Variants in LRMDA observed in about 807,000 individuals in gnomAD.
LRMDA encodes the protein leucine-rich melanocyte differentiation-associated protein.
A neutral mutation model predicts 29.8 loss-of-function variants in LRMDA; 18 were observed. That is an observed-to-expected ratio of 0.60 (90% CI 0.42 to 0.90). The LOEUF is 0.90. Ranked by LOEUF, LRMDA falls within the 40% of genes least tolerant of loss-of-function variation. The pLI, the probability that LRMDA is intolerant of heterozygous loss-of-function variation, is 0.00. For missense variants in LRMDA, 273 were observed against 273.9 expected (o/e 1.00, Z 0.02); for synonymous variants, 125 against 109.4 (o/e 1.14, Z -0.89).
At position 75,971,957 on chromosome 10, in the gene LRMDA, A is replaced by G. The variant is rs555812207; in HGVS notation, c.132-64051A>G. Reference sequence around the variant, plus strand: ...CTGGAGAGTGGTTTGTTTTTAAGAAAACCCTCCAAATGATCAGTCTTTCAT... The same window carrying G: ...CTGGAGAGTGGTTTGTTTTTAAGAAGACCCTCCAAATGATCAGTCTTTCAT... On this transcript the variant is annotated intron_variant, in intron 2 of 6. Coordinates refer to ENST00000611255, the MANE Select transcript of LRMDA (RefSeq NM_001305581.2). Among the ~76,000 whole-genome samples, 9 of 152,344 alleles carry G rather than the reference A, an allele frequency of 5.9e-5. No homozygotes were observed. The East Asian group carries it at 1.5e-3, about 26-fold the overall frequency.
intron 5 of LRMDA, among the ~76,000 whole-genome samples, chr10:76,318,180 A>G (rs920353504): frequency 3.9e-5 from 6 of 152,232 alleles, no homozygotes; most frequent in African/African-American, 7.2e-5. Flanking sequence ...CAACTCTTAC[A>G]TTCTGTGATT....
intron 2 of LRMDA, among the ~76,000 whole-genome samples, chr10:76,025,863 T>C (rs917074906): frequency 5.9e-5 from 9 of 152,192 alleles, no homozygotes; most frequent in African/African-American, 1.9e-4. Context: ...TGGTAACTGC[T>C]TCCCTGTCTA....
rs762136377 is a variant in LRMDA at position 76,236,700 on chromosome 10, G to A, written c.517-87701G>A. On this transcript the variant is annotated intron_variant, in intron 5 of 6. Coordinates refer to ENST00000611255, the MANE Select transcript of LRMDA (RefSeq NM_001305581.2). ...CTGCAACCCAGCATCTTGGTGTATT[G>A]ACTTGCCATGAACATCAGGCAGCAA... 6.6e-4 allele frequency among the ~76,000 whole-genome samples: 101 copies of A among 152,222 alleles called. 3 individuals carry two copies. The highest frequency in any genetic ancestry group is 4.1e-4 in the Non-Finnish European group (28 of 68,030).
intron 5 of LRMDA, among the ~76,000 whole-genome samples, chr10:76,116,313 T>C (rs1023451536): frequency 2.6e-5 from 4 of 152,148 alleles, no homozygotes; most frequent in African/African-American, 9.7e-5. Flanking sequence ...GAATTGAAAG[T>C]TTTAATTCTG....
chr10:75,795,414 A>C (rs2132256098), intron 2 of LRMDA, among the ~76,000 whole-genome samples: 1 of 125,350 alleles, frequency 8.0e-6, no homozygotes, highest in African/African-American at 2.5e-5. Context: ...AATAAAATAA[A>C]ATAAAAGAAG....
chr10:76,116,064 G>A (rs559092890), intron 5 of LRMDA, among the ~76,000 whole-genome samples: 130 of 152,276 alleles, frequency 8.5e-4, no homozygotes, highest in African/African-American at 2.9e-3. Flanking sequence ...GATGGAATGG[G>A]ATGGGGCCAC....
intron 5 of LRMDA, among the ~76,000 whole-genome samples, chr10:76,147,326 C>A (rs1456917281): frequency 1.6e-4 from 24 of 152,256 alleles, no homozygotes; most frequent in Non-Finnish European, 2.5e-4. Flanking sequence ...GTACACCAAT[C>A]AGACGTAGAT....
intron 2 of LRMDA, among the ~76,000 whole-genome samples, chr10:76,025,783 A>C (rs945242457): frequency 1.3e-5 from 2 of 152,186 alleles, no homozygotes; most frequent in African/African-American, 2.4e-5. Context: ...GCTCAAGCCC[A>C]TCTCCTTCAC....
At chr10:76,325,914 A>G (rs1840828397) in intron 6 of LRMDA, among the ~76,000 whole-genome samples, 1 of 152,216 alleles carries the variant, frequency 6.6e-6, no homozygotes, top group Admixed American at 6.5e-5. Context: ...GTTTTAAAAT[A>G]TTTGGAGTAA....
chr10:75,563,819 T>C (rs1186802329), intron 2 of LRMDA, among the ~76,000 whole-genome samples: 1 of 152,160 alleles, frequency 6.6e-6, no homozygotes, highest in Non-Finnish European at 1.5e-5. Context: ...TTCCTGGGTA[T>C]CAGCAGCGGT....
chr10:76,008,086 C>T (rs1242073434), intron 2 of LRMDA, among the ~76,000 whole-genome samples: 1 of 151,720 alleles, frequency 6.6e-6, no homozygotes, highest in Non-Finnish European at 1.5e-5. Flanking sequence ...AGCATTGCCT[C>T]TAGGATTTGA....
chr10:76,233,524 T>C (rs768743523), intron 5 of LRMDA, among the ~76,000 whole-genome samples: 3 of 152,154 alleles, frequency 2.0e-5, no homozygotes, highest in Admixed American at 6.5e-5. Context: ...ACGAAAGATT[T>C]CTCTGTAGCA....
intron 2 of LRMDA, among the ~76,000 whole-genome samples, chr10:75,761,399 G>A (rs920483810): frequency 1.8e-4 from 27 of 152,298 alleles, no homozygotes; most frequent in African/African-American, 5.1e-4. Flanking sequence ...GATGAATCTT[G>A]AACACACTTA....
At chr10:75,439,749 C>T (rs1844306313) in intron 2 of LRMDA, among the ~76,000 whole-genome samples, 1 of 152,152 alleles carries the variant, frequency 6.6e-6, no homozygotes, top group Non-Finnish European at 1.5e-5. Flanking sequence ...TAAAGTAGTA[C>T]ACAGGGATGA....
At chr10:75,922,240 G>A (rs1461076365) in intron 2 of LRMDA, among the ~76,000 whole-genome samples, 1 of 152,192 alleles carries the variant, frequency 6.6e-6, no homozygotes, top group East Asian at 1.9e-4. Flanking sequence ...GAAAGAAGAA[G>A]TGTTCCTACT....
chr10:76,417,822 A>G (rs1842033009), intron 6 of LRMDA, among the ~76,000 whole-genome samples: 1 of 152,176 alleles, frequency 6.6e-6, no homozygotes, highest in Non-Finnish European at 1.5e-5. Context: ...TGTATTTTAC[A>G]TTCACATTTA....
chr10:76,538,379 T>C (rs1311777356), intron 6 of LRMDA, among the ~76,000 whole-genome samples: 1 of 151,112 alleles, frequency 6.6e-6, no homozygotes, highest in African/African-American at 2.4e-5. Context: ...TTTACTTCTT[T>C]CTTACCAAAA....
chr10:75,719,828 G>A (rs1365654964), intron 2 of LRMDA, among the ~76,000 whole-genome samples: 1 of 152,178 alleles, frequency 6.6e-6, no homozygotes, highest in Non-Finnish European at 1.5e-5. Context: ...ACAAGAAATG[G>A]AAGGCCTACT....
At chr10:75,435,808 A>C (rs1844257531) in intron 1 of LRMDA, among the ~76,000 whole-genome samples, 1 of 151,758 alleles carries the variant, frequency 6.6e-6, no homozygotes. Flanking sequence ...AGGCTCTAAC[A>C]CTCTTCTTGG....
Sources: gnomAD v4.1 joint callset for allele counts (sites outside exome capture counted in the v4.1 genomes callset) on GRCh38, gnomAD v4.1.1 for gene constraint, MANE v1.5 for transcripts, NCBI Gene and HGNC (gene_info 2026-07-23, HGNC 2026-07-21) for gene names.